GPM6B: variants seen among roughly 807,000 people sequenced by gnomAD.
The protein encoded by GPM6B is neuronal membrane glycoprotein M6-b.
Under a neutral mutation model 27.2 loss-of-function variants are expected in GPM6B, and 4 were observed. The observed-to-expected ratio is 0.15, with a 90% CI of 0.07 to 0.34. The LOEUF (loss-of-function observed/expected upper bound fraction) is 0.34, where lower values mean the gene tolerates loss of function less well. Ranked by LOEUF, GPM6B falls within the 10% of genes least tolerant of loss-of-function variation. The probability of loss-of-function intolerance (pLI) is 1.00; values close to 1 mark genes in which losing one functional copy is unlikely to be tolerated. For missense variants in GPM6B, 183 were observed against 261.9 expected (o/e 0.70, Z 2.08); for synonymous variants, 124 against 103.1 (o/e 1.20, Z -1.23).
At chrX:13,776,439 T>C (rs940140283) in intron 6 of GPM6B, 136 bp from the exon 7 acceptor site, 5 of 468,449 alleles carry the variant, frequency 1.1e-5, no homozygotes, top group Non-Finnish European at 1.8e-5. Flanking sequence ...CTTCTCTTCA[T>C]GCTCTGGCCT....
chrX:13,922,449 C>T (rs1569308253), intron 1 of GPM6B, among the ~76,000 whole-genome samples: 1 of 112,241 alleles, frequency 8.9e-6, no homozygotes, highest in Non-Finnish European at 1.9e-5. Flanking sequence ...CTTAAGGAAT[C>T]TGAAGTCTCA....
upstream of GPM6B, among the ~76,000 whole-genome samples, chrX:13,821,161 A>T (rs1332223756): frequency 3.6e-5 from 4 of 111,588 alleles, no homozygotes; most frequent in Non-Finnish European, 7.5e-5. Context: ...CTTCTGTGAG[A>T]AGGCTGAATG....
intron 1 of GPM6B, among the ~76,000 whole-genome samples, chrX:13,865,960 T>A (rs1417862878): frequency 1.8e-5 from 2 of 110,735 alleles, no homozygotes; most frequent in Non-Finnish European, 3.8e-5. Context: ...GACAAATACC[T>A]CATGATCCTG....
At chrX:13,782,047 G>A (rs1258888432) in intron 4 of GPM6B, among the ~76,000 whole-genome samples, 1 of 111,512 alleles carries the variant, frequency 9.0e-6, no homozygotes, top group South Asian at 3.8e-4. Context: ...GCCCTGCCCC[G>A]TCACCTGCAT....
intron 2 of GPM6B, among the ~76,000 whole-genome samples, chrX:13,794,860 G>C (rs937875210): frequency 2.7e-5 from 3 of 112,070 alleles, no homozygotes; most frequent in African/African-American, 9.7e-5. Context: ...TGGGCTGCAG[G>C]AAACATTCTT....
intron 2 of GPM6B, among the ~76,000 whole-genome samples, chrX:13,801,915 C>T (rs959960300): frequency 2.7e-5 from 3 of 111,075 alleles, no homozygotes; most frequent in African/African-American, 6.6e-5. Flanking sequence ...CAGAGCATTC[C>T]GTTTAGTACA....
chrX:13,935,502 G>A (rs1463381905), intron 1 of GPM6B, among the ~76,000 whole-genome samples: 1 of 111,373 alleles, frequency 9.0e-6, no homozygotes, highest in East Asian at 2.8e-4. Flanking sequence ...TGGACAGAGT[G>A]AGACCCTGTC....
intron 1 of GPM6B, among the ~76,000 whole-genome samples, chrX:13,926,409 C>CA (rs1921204312): frequency 6.0e-5 from 1 of 16,600 alleles, no homozygotes; most frequent in Non-Finnish European, 1.6e-4. Flanking sequence ...GACTCCATCT[C>CA]AAAAAAACAA....
chrX:13,819,966 GAA>G (rs1478364155), upstream of GPM6B, among the ~76,000 whole-genome samples: 1 of 111,495 alleles, frequency 9.0e-6, no homozygotes, highest in African/African-American at 3.3e-5. Flanking sequence ...CATATGAGAG[GAA>G]AAAGAGGGTA....
rs764653085 is a variant in GPM6B at position 13,884,126 on chromosome X, C to T, written c.-198+54201G>A. ...CCGGGAGGCAGAGGTTGCGGTGAGC[C>T]GAGATCCCACCACTGCGCTCCAGCC... is the stretch of plus-strand genomic sequence containing the variant. On this transcript the variant is annotated intron_variant, in intron 1 of 6. Coordinates refer to the GPM6B transcript ENST00000398361. Among the ~76,000 whole-genome samples the T allele has an allele frequency of 7.2e-3, 786 of 109,093 alleles. 12 individuals are homozygous for T. Among genetic ancestry groups the T allele is most frequent in the African/African-American group, 0.025 (754 of 29,897 alleles). The allele number at this position is 109,093 out of a possible 115,157, so 94.7% of individuals were successfully genotyped here.
intron 1 of GPM6B, among the ~76,000 whole-genome samples, chrX:13,877,318 T>C (rs956187493): frequency 8.9e-6 from 1 of 111,828 alleles, no homozygotes; most frequent in Non-Finnish European, 1.9e-5. Flanking sequence ...GCATGTAAAC[T>C]TGACAAGGAT....
intron 2 of GPM6B, among the ~76,000 whole-genome samples, chrX:13,792,544 G>A (rs1485170437): frequency 9.3e-6 from 1 of 107,860 alleles, no homozygotes; most frequent in Non-Finnish European, 1.9e-5. Flanking sequence ...GAATACACAG[G>A]ACAGCCCCCA....
chrX:13,830,338 A>G (rs2049423910), intron 1 of GPM6B, among the ~76,000 whole-genome samples: 1 of 112,323 alleles, frequency 8.9e-6, no homozygotes, highest in Non-Finnish European at 1.9e-5. Flanking sequence ...TCTAAGAGAC[A>G]TGAATGACCA....
rs5901518 is a variant in GPM6B, at chrX:13,782,774, G to GAA, written c.525+589_525+590dup. On this transcript the variant is annotated intron_variant, in intron 4 of 7. Coordinates refer to ENST00000316715, the MANE Select transcript of GPM6B (RefSeq NM_001001995.3). Reference sequence around the variant, plus strand: ...CTCCGTCTCAAAAAAAAAAAAAAAAGAAAAAAAAAAAAATTCTTGGCTCTT... The same window carrying GAA: ...CTCCGTCTCAAAAAAAAAAAAAAAAGAAAAAAAAAAAAAAATTCTTGGCTCTT... Among the ~76,000 whole-genome samples the GAA allele has an allele frequency of 1.3e-3, 116 of 90,082 alleles. 2 individuals are homozygous for GAA. Among genetic ancestry groups the GAA allele is most frequent in the Middle Eastern group, 6.1e-3 (1 of 165 alleles). The allele number at this position is 90,082 out of a possible 115,157, so 78.2% of individuals were successfully genotyped here.
At chrX:13,825,131 C>G (rs1425182087) in intron 1 of GPM6B, among the ~76,000 whole-genome samples, 3 of 111,480 alleles carry the variant, frequency 2.7e-5, no homozygotes, top group South Asian at 7.6e-4. Flanking sequence ...ATTATGCCTA[C>G]AAAGACCCTA....
chrX:13,804,572 A>G (rs2048987577), intron 2 of GPM6B, among the ~76,000 whole-genome samples: 1 of 111,155 alleles, frequency 9.0e-6, no homozygotes, highest in South Asian at 3.8e-4. Context: ...TAAAGATGGA[A>G]TTCTACTGGG....
At chrX:13,792,012 A>T (rs1035317438) in intron 2 of GPM6B, among the ~76,000 whole-genome samples, 2 of 111,842 alleles carry the variant, frequency 1.8e-5, no homozygotes, top group South Asian at 7.5e-4. Flanking sequence ...ACAAAATTAA[A>T]AAGAAAAGAT....
intron 1 of GPM6B, among the ~76,000 whole-genome samples, chrX:13,890,749 C>A (rs962340178): frequency 9.0e-6 from 1 of 111,426 alleles, no homozygotes; most frequent in African/African-American, 3.3e-5. Context: ...GACAACCAAA[C>A]GCATCTGCCA....
rs142918162 is a variant in GPM6B at position 13,835,366 on chromosome X, G to A, written c.-197-49558C>T. On this transcript the variant is annotated intron_variant, in intron 1 of 6. Transcript: ENST00000398361. ...AAAAGCTGGAAGGGGCAGAGGATGTGTGGCAAGCACGGCTTCCTAGAAGAA... is the reference window on the plus strand; with the variant it reads ...AAAAGCTGGAAGGGGCAGAGGATGTATGGCAAGCACGGCTTCCTAGAAGAA... 2.6e-4 allele frequency among the ~76,000 whole-genome samples: 29 copies of A among 112,383 alleles called. No homozygotes were observed. In the East Asian group the frequency reaches 7.2e-3, roughly 28 times the overall value.
Sources: allele counts gnomAD v4.1 joint callset (sites outside exome capture counted in the v4.1 genomes callset), GRCh38; gene constraint gnomAD v4.1.1; transcripts MANE v1.5; gene names NCBI Gene and HGNC (gene_info 2026-07-23, HGNC 2026-07-21).